Variants in RCAN2 observed in about 807,000 individuals in gnomAD.
RCAN2 encodes calcipressin-2.
In RCAN2, 9 loss-of-function variants were observed where a neutral mutation model predicts 23.6. The observed-to-expected ratio is 0.38, with a 90% CI of 0.23 to 0.67. The LOEUF (loss-of-function observed/expected upper bound fraction) is 0.67, where lower values mean the gene tolerates loss of function less well. Among genes scored for constraint, RCAN2 ranks in the 30% least tolerant of loss-of-function variants. The pLI is 0.51. For missense variants in RCAN2, 273 were observed against 302.3 expected, an observed-to-expected ratio of 0.90 and a Z score of 0.72; for synonymous variants, 109 against 115.7, an observed-to-expected ratio of 0.94 and a Z score of 0.37.
chr6:46,345,668 C>T (rs574623372), intron 2 of RCAN2, among the ~76,000 whole-genome samples: 51 of 152,184 alleles, frequency 3.4e-4, no homozygotes, highest in African/African-American at 1.2e-3. Flanking sequence ...CTTTTTTACT[C>T]CCATTTTCTC....
chr6:46,457,387 A>T (rs1449457144), intron 1 of RCAN2, among the ~76,000 whole-genome samples: 2 of 152,222 alleles, frequency 1.3e-5, no homozygotes, highest in Middle Eastern at 3.2e-3. Context: ...TAAGGTTGGT[A>T]CCAATATTTT....
chr6:46,479,551 C>T (rs565371804), intron 1 of RCAN2, among the ~76,000 whole-genome samples: 1 of 151,216 alleles, frequency 6.6e-6, no homozygotes, highest in Non-Finnish European at 1.5e-5. Flanking sequence ...AGAATGCTCC[C>T]ACTACCTGCC....
At chr6:46,490,505 C>T (rs761940805) in intron 1 of RCAN2, among the ~76,000 whole-genome samples, 3 of 152,182 alleles carry the variant, frequency 2.0e-5, no homozygotes, top group Non-Finnish European at 2.9e-5. Context: ...TGGAGGCGGC[C>T]GAGGGATCAG....
At chr6:46,432,131 G>A (rs1035852499) in intron 2 of RCAN2, among the ~76,000 whole-genome samples, 1 of 152,188 alleles carries the variant, frequency 6.6e-6, no homozygotes, top group African/African-American at 2.4e-5. Context: ...ACTGCACTTA[G>A]TATCAGCTTA....
chr6:46,370,417 G>A (rs1291954797), intron 2 of RCAN2, among the ~76,000 whole-genome samples: 1 of 152,096 alleles, frequency 6.6e-6, no homozygotes, highest in East Asian at 1.9e-4. Flanking sequence ...CCTATGGAAT[G>A]CACCTCCCTC....
At chr6:46,366,268 C>G (rs558395675) in intron 2 of RCAN2, among the ~76,000 whole-genome samples, 4 of 152,302 alleles carry the variant, frequency 2.6e-5, no homozygotes, top group Non-Finnish European at 4.4e-5. Context: ...GTACTCTGAA[C>G]TTGGTGAAGT....
rs566164300 is a variant in RCAN2, at chr6:46,353,457, T to A, written c.225+103295A>T. On this transcript the variant is annotated intron_variant, in intron 2 of 4. Coordinates refer to ENST00000371374, the MANE Select transcript of RCAN2 (RefSeq NM_001251974.2). ...TGACAGATCCTGCACAGACAATCCTTAGTAAATAAATTCCAAAAGTATCTT... is the reference window on the plus strand; with the variant it reads ...TGACAGATCCTGCACAGACAATCCTAAGTAAATAAATTCCAAAAGTATCTT... Among the ~76,000 whole-genome samples the A allele has an allele frequency of 2.0e-5, 3 of 152,156 alleles. No individual in the cohort carries two copies. In the South Asian group the frequency reaches 6.2e-4, roughly 32 times the overall value.
chr6:46,421,189 A>G (rs1766879805), intron 2 of RCAN2, among the ~76,000 whole-genome samples: 1 of 152,208 alleles, frequency 6.6e-6, no homozygotes, highest in Admixed American at 6.5e-5. Context: ...GATATCCAAA[A>G]AAAGAGCAAT....
At chr6:46,263,527 G>GTGTA (rs1767205042) in intron 2 of RCAN2, among the ~76,000 whole-genome samples, 1 of 60,396 alleles carries the variant, frequency 1.7e-5, no homozygotes, top group Non-Finnish European at 3.7e-5. Flanking sequence ...GTGTATGTGT[G>GTGTA]TGTGTGTGTG....
chr6:46,297,265 T>C (rs1762753749), intron 2 of RCAN2, among the ~76,000 whole-genome samples: 1 of 152,158 alleles, frequency 6.6e-6, no homozygotes, highest in Non-Finnish European at 1.5e-5. Flanking sequence ...CAGCATGGGC[T>C]CTGCCAGGCC....
chr6:46,226,198 A>G (rs1000312750), intron 4 of RCAN2, among the ~76,000 whole-genome samples: 1 of 152,178 alleles, frequency 6.6e-6, no homozygotes, highest in African/African-American at 2.4e-5. Flanking sequence ...GACTTGTAGT[A>G]TAGTTTGAAG....
At chr6:46,430,224 G>A (rs544881187) in intron 2 of RCAN2, among the ~76,000 whole-genome samples, 2 of 152,328 alleles carry the variant, frequency 1.3e-5, no homozygotes, top group African/African-American at 4.8e-5. Context: ...GAAGCTTGGA[G>A]CAGGGATAAA....
At chr6:46,261,164 A>T (rs974944820) in intron 2 of RCAN2, among the ~76,000 whole-genome samples, 107 of 152,302 alleles carry the variant, frequency 7.0e-4, no homozygotes, top group African/African-American at 2.5e-3. Context: ...AATTGATGAA[A>T]TGCATAGCCT....
chr6:46,363,342 C>A (rs1765071664), intron 2 of RCAN2, among the ~76,000 whole-genome samples: 1 of 152,120 alleles, frequency 6.6e-6, no homozygotes, highest in Non-Finnish European at 1.5e-5. Context: ...ATGTATGATA[C>A]TTGAGCCACC....
intron 2 of RCAN2, among the ~76,000 whole-genome samples, chr6:46,345,111 T>C (rs1764442994): frequency 6.6e-6 from 1 of 151,962 alleles, no homozygotes; most frequent in South Asian, 2.1e-4. Context: ...TAAGAAACAG[T>C]AGGTCTACAT....
intron 1 of RCAN2, among the ~76,000 whole-genome samples, chr6:46,472,869 CT>C (rs1484657042): frequency 6.6e-6 from 1 of 152,162 alleles, no homozygotes; most frequent in Non-Finnish European, 1.5e-5. Flanking sequence ...TACAGGAACA[CT>C]GGAACTTTTT....
intron 2 of RCAN2, among the ~76,000 whole-genome samples, chr6:46,413,972 G>A (rs6921088): frequency 2.5e-3 from 385 of 152,140 alleles, no homozygotes; most frequent in African/African-American, 8.6e-3. Context: ...CCAGCCACCC[G>A]GCTCTCAGAA....
chr6:46,386,264 A>G (rs1249259305), intron 2 of RCAN2, among the ~76,000 whole-genome samples: 1 of 152,160 alleles, frequency 6.6e-6, no homozygotes, highest in African/African-American at 2.4e-5. Flanking sequence ...CAAACATGAA[A>G]AAAAGCTCAA....
intron 4 of RCAN2, among the ~76,000 whole-genome samples, chr6:46,233,452 C>G (rs1046228571): frequency 2.6e-5 from 4 of 152,076 alleles, no homozygotes; most frequent in African/African-American, 9.7e-5. Flanking sequence ...ATTCATTGCT[C>G]TGTGGATGGG....
Sources: gnomAD v4.1 joint callset for allele counts (sites outside exome capture counted in the v4.1 genomes callset) on GRCh38, gnomAD v4.1.1 for gene constraint, MANE v1.5 for transcripts, NCBI Gene and HGNC (gene_info 2026-07-23, HGNC 2026-07-21) for gene names.